COL23A1: variants seen among roughly 807,000 people sequenced by gnomAD.
The protein encoded by COL23A1 is collagen type XXIII alpha 1 chain.
A neutral mutation model predicts 99.3 loss-of-function variants in COL23A1; 97 were observed. That is an observed-to-expected ratio of 0.98 (90% CI 0.83 to 1.16). The LOEUF (loss-of-function observed/expected upper bound fraction) is 1.16. COL23A1 is among the 50% of genes most tolerant of loss of function. COL23A1 has a pLI of 0.00. For missense variants in COL23A1, 762 were observed against 757.4 expected (o/e 1.01, Z -0.07); for synonymous variants, 320 against 308.2 (o/e 1.04, Z -0.40).
chr5:178,270,497 T>A, intron 5 of COL23A1, 134 bp from the exon 6 acceptor site: 1 of 1,051,204 alleles, frequency 9.5e-7, no homozygotes, highest in Non-Finnish European at 1.4e-6. Context: ...TCAGTCCATG[T>A]GGCCTGGGGC....
At chr5:178,381,792 C>T (rs1309689032) in intron 2 of COL23A1, among the ~76,000 whole-genome samples, 5 of 152,202 alleles carry the variant, frequency 3.3e-5, no homozygotes, top group South Asian at 2.1e-4. Context: ...GGTGCCACCA[C>T]GCCCGGCTGA....
chr5:178,555,980 G>A (rs1001498133), intron 2 of COL23A1, among the ~76,000 whole-genome samples: 4 of 150,932 alleles, frequency 2.7e-5, no homozygotes, highest in Non-Finnish European at 5.9e-5. Flanking sequence ...GGCCTGCAGC[G>A]TGCCTGGGAG....
chr5:178,571,628 G>A (rs1160312175), intron 1 of COL23A1, among the ~76,000 whole-genome samples: 1 of 152,088 alleles, frequency 6.6e-6, no homozygotes, highest in Non-Finnish European at 1.5e-5. Context: ...AGGAAAATAG[G>A]CCCTATGATG....
intron 2 of COL23A1, among the ~76,000 whole-genome samples, chr5:178,454,956 C>T (rs1323938620): frequency 6.6e-6 from 1 of 152,208 alleles, no homozygotes; most frequent in African/African-American, 2.4e-5. Flanking sequence ...ATCCCCTTCC[C>T]GGCCTGTGGA....
intron 2 of COL23A1, among the ~76,000 whole-genome samples, chr5:178,323,911 C>T (rs757000699): frequency 6.6e-6 from 1 of 152,186 alleles, no homozygotes. Flanking sequence ...CCAAGTCACA[C>T]AGCTGGAACA....
At chr5:178,476,848 C>T (rs1757055920) in intron 2 of COL23A1, among the ~76,000 whole-genome samples, 1 of 152,240 alleles carries the variant, frequency 6.6e-6, no homozygotes, top group South Asian at 2.1e-4. Context: ...CTGTTAACTT[C>T]TCTGTTATGC....
intron 2 of COL23A1, among the ~76,000 whole-genome samples, chr5:178,482,020 A>AT (rs948542359): frequency 1.6e-5 from 2 of 125,172 alleles, no homozygotes; most frequent in Admixed American, 9.2e-5. Flanking sequence ...TTAAAGTATA[A>AT]TTAAAAAAAA....
intron 2 of COL23A1, among the ~76,000 whole-genome samples, chr5:178,361,438 T>C (rs1762168952): frequency 1.3e-5 from 2 of 152,150 alleles, no homozygotes; most frequent in South Asian, 4.1e-4. Context: ...TGTGGGCACA[T>C]GTGGCCTGAG....
Position 178,353,937 on chromosome 5 carries a change from G to GT in COL23A1, c.362-47019dup, listed in dbSNP as rs367998704. On this transcript the variant is annotated intron_variant, in intron 2 of 28. Coordinates refer to ENST00000390654, the MANE Select transcript of COL23A1 (RefSeq NM_173465.4). ...ACTGTGTATGTTGTGCTACCGTTGA[G>GT]TTAAAAAAAAAAAAAAACCAAAAAA... 2.9e-3 allele frequency among the ~76,000 whole-genome samples: 322 copies of GT among 109,328 alleles called. 1 individual carries two copies. Among genetic ancestry groups the GT allele is most frequent in the African/African-American group, 9.3e-3 (285 of 30,484 alleles). The allele number at this position is 109,328 out of a possible 152,430, so 71.7% of individuals were successfully genotyped here.
chr5:178,254,671 A>T (rs1765210897), intron 16 of COL23A1, among the ~76,000 whole-genome samples: 1 of 152,094 alleles, frequency 6.6e-6, no homozygotes, highest in Admixed American at 6.6e-5. Context: ...GACCCCAGGA[A>T]ATACTCTGCC....
chr5:178,358,621 G>C (rs973145149), intron 2 of COL23A1, among the ~76,000 whole-genome samples: 1 of 146,826 alleles, frequency 6.8e-6, no homozygotes, highest in Non-Finnish European at 1.5e-5. Flanking sequence ...GTGTATGTAT[G>C]TGTGTATGTG....
intron 2 of COL23A1, among the ~76,000 whole-genome samples, chr5:178,320,663 C>T (rs949040952): frequency 6.6e-6 from 1 of 152,230 alleles, no homozygotes; most frequent in African/African-American, 2.4e-5. Flanking sequence ...CGCATCCTTG[C>T]CTCGCACCCC....
intron 2 of COL23A1, among the ~76,000 whole-genome samples, chr5:178,516,202 A>G (rs1305996794): frequency 1.3e-5 from 2 of 151,512 alleles, no homozygotes; most frequent in Non-Finnish European, 2.9e-5. Flanking sequence ...AACCTCCCTC[A>G]CTGTTTGCCC....
chr5:178,357,954 ATATGTGTGTATGTGTATGTG>A (rs1408783633), intron 2 of COL23A1, among the ~76,000 whole-genome samples: 6 of 140,110 alleles, frequency 4.3e-5, no homozygotes, highest in African/African-American at 1.6e-4. Context: ...GTGTGTATGT[ATATGTGTGTATGTGTATGTG>A]TATATATGTG....
intron 2 of COL23A1, among the ~76,000 whole-genome samples, chr5:178,339,217 A>G (rs1392299726): frequency 6.6e-6 from 1 of 152,202 alleles, no homozygotes; most frequent in Non-Finnish European, 1.5e-5. Context: ...GGGGCCATAC[A>G]GAACAAACCC....
At chr5:178,537,259 G>A (rs1187807975) in intron 2 of COL23A1, among the ~76,000 whole-genome samples, 5 of 151,986 alleles carry the variant, frequency 3.3e-5, no homozygotes, top group South Asian at 2.1e-4. Flanking sequence ...AGGTTCCTGC[G>A]AGGCCCCCTC....
chr5:178,450,575 A>C (rs1452467548), intron 2 of COL23A1, among the ~76,000 whole-genome samples: 1 of 152,218 alleles, frequency 6.6e-6, no homozygotes, highest in Non-Finnish European at 1.5e-5. Context: ...GTTACGAAAG[A>C]GGAAAACAGA....
intron 2 of COL23A1, among the ~76,000 whole-genome samples, chr5:178,515,953 C>T (rs1759482528): frequency 6.6e-6 from 1 of 152,172 alleles, no homozygotes; most frequent in African/African-American, 2.4e-5. Flanking sequence ...CCAGACGCCT[C>T]TGCACGCCCT....
intron 5 of COL23A1, among the ~76,000 whole-genome samples, chr5:178,274,513 C>T (rs1414782793): frequency 5.3e-5 from 8 of 151,178 alleles, no homozygotes; most frequent in Admixed American, 3.9e-4. Context: ...AGCAGCTGGG[C>T]GGTCTGGAAG....
Sources: allele counts gnomAD v4.1 joint callset (sites outside exome capture counted in the v4.1 genomes callset), GRCh38; gene constraint gnomAD v4.1.1; transcripts MANE v1.5; gene names NCBI Gene and HGNC (gene_info 2026-07-23, HGNC 2026-07-21).